The following PPP2R2B variants were observed in gnomAD, a reference collection of about 807,000 sequenced individuals.
The protein encoded by PPP2R2B is serine/threonine-protein phosphatase 2A 55 kDa regulatory subunit B beta isoform.
Under a neutral mutation model 46.0 loss-of-function variants are expected in PPP2R2B, and 5 were observed. That is an observed-to-expected ratio of 0.11 (90% CI 0.06 to 0.23). PPP2R2B has a LOEUF of 0.23. Ranked by LOEUF, PPP2R2B falls within the 10% of genes least tolerant of loss-of-function variation. PPP2R2B has a pLI of 1.00. For missense variants in PPP2R2B, 367 were observed against 575.0 expected, an observed-to-expected ratio of 0.64 and a Z score of 3.70; for synonymous variants, 215 against 206.7, an observed-to-expected ratio of 1.04 and a Z score of -0.34.
At chr5:146,693,754 G>A (rs907187032) in intron 4 of PPP2R2B, among the ~76,000 whole-genome samples, 2 of 152,196 alleles carry the variant, frequency 1.3e-5, no homozygotes, top group African/African-American at 4.8e-5. Context: ...CATGGAGAAT[G>A]TTTAACACAG....
At chr5:146,618,623 C>T (rs1773415762) in intron 7 of PPP2R2B, among the ~76,000 whole-genome samples, 1 of 152,220 alleles carries the variant, frequency 6.6e-6, no homozygotes, top group Admixed American at 6.5e-5. Flanking sequence ...GGGCCAGTTC[C>T]CTTTCAGCAG....
At chr5:146,969,568 G>A (rs977422447) in intron 1 of PPP2R2B, among the ~76,000 whole-genome samples, 3 of 152,220 alleles carry the variant, frequency 2.0e-5, no homozygotes, top group African/African-American at 7.2e-5. Context: ...GCTAGACAAG[G>A]CTATACCCAG....
At chr5:146,593,620 A>T (rs1234657123) in intron 8 of PPP2R2B, among the ~76,000 whole-genome samples, 4 of 152,172 alleles carry the variant, frequency 2.6e-5, no homozygotes, top group Admixed American at 6.5e-5. Flanking sequence ...GCTTCACTGG[A>T]TGAGGTAGCA....
chr5:147,061,782 A>G (rs1757266018), intron 2 of PPP2R2B, among the ~76,000 whole-genome samples: 1 of 152,204 alleles, frequency 6.6e-6, no homozygotes, highest in African/African-American at 2.4e-5. Context: ...GTGCCTCACA[A>G]CAGAAGATTT....
intron 2 of PPP2R2B, among the ~76,000 whole-genome samples, chr5:146,797,459 T>C (rs1756610139): frequency 6.6e-6 from 1 of 152,218 alleles, no homozygotes; most frequent in Non-Finnish European, 1.5e-5. Flanking sequence ...TTGCCTGCTT[T>C]CTTTTATTTT....
intron 1 of PPP2R2B, among the ~76,000 whole-genome samples, chr5:146,948,899 A>G (rs1398067172): frequency 6.6e-6 from 1 of 152,114 alleles, no homozygotes; most frequent in African/African-American, 2.4e-5. Flanking sequence ...TGTTTCCTGA[A>G]ACTGCTGTAC....
chr5:146,655,686 C>A (rs1776277908), intron 5 of PPP2R2B, among the ~76,000 whole-genome samples: 1 of 152,190 alleles, frequency 6.6e-6, no homozygotes, highest in Admixed American at 6.5e-5. Flanking sequence ...AGTCTATACC[C>A]TTAGTCGCTT....
At chr5:146,861,054 C>CTT (rs1211197915) in intron 2 of PPP2R2B, among the ~76,000 whole-genome samples, 35 of 101,698 alleles carry the variant, frequency 3.4e-4, no homozygotes, top group South Asian at 7.3e-4. Context: ...TGAATTTTTT[C>CTT]TTTTTTTTTT....
At chr5:146,597,945 C>T (rs970028222) in intron 8 of PPP2R2B, among the ~76,000 whole-genome samples, 1 of 152,214 alleles carries the variant, frequency 6.6e-6, no homozygotes, top group Non-Finnish European at 1.5e-5. Flanking sequence ...GGGCTTTGCT[C>T]CTTCAGCGGT....
chr5:147,012,115 C>G (rs1221573874), intron 1 of PPP2R2B, among the ~76,000 whole-genome samples: 1 of 150,146 alleles, frequency 6.7e-6, no homozygotes, highest in Non-Finnish European at 1.5e-5. Context: ...GGAGGATTCC[C>G]TCTTTTTCTA....
At chr5:146,735,179 T>C (rs1752462550) in intron 2 of PPP2R2B, among the ~76,000 whole-genome samples, 1 of 152,234 alleles carries the variant, frequency 6.6e-6, no homozygotes, top group East Asian at 1.9e-4. Context: ...ATAAATTGGG[T>C]AGCACAATAA....
intron 5 of PPP2R2B, among the ~76,000 whole-genome samples, chr5:146,684,855 A>C (rs1266520567): frequency 6.6e-6 from 1 of 152,194 alleles, no homozygotes; most frequent in Non-Finnish European, 1.5e-5. Flanking sequence ...CATTTCTTAG[A>C]GTCCAACTCA....
intron 2 of PPP2R2B, among the ~76,000 whole-genome samples, chr5:147,063,177 T>A (rs1314777182): frequency 6.6e-6 from 1 of 151,864 alleles, no homozygotes; most frequent in Non-Finnish European, 1.5e-5. Context: ...AGTAGAAAAC[T>A]CTCACACCTA....
At chr5:146,731,196 A>G (rs1561863977) in intron 2 of PPP2R2B, among the ~76,000 whole-genome samples, 1 of 152,188 alleles carries the variant, frequency 6.6e-6, no homozygotes, top group Non-Finnish European at 1.5e-5. Flanking sequence ...AGGAGACTGC[A>G]CTCCAAGTAA....
chr5:146,984,550 CTGCAGACATCTCTTTGACAA>C (rs879791919), intron 1 of PPP2R2B, among the ~76,000 whole-genome samples: 1 of 152,162 alleles, frequency 6.6e-6, no homozygotes, highest in Non-Finnish European at 1.5e-5. Context: ...AAACATGGGA[CTGCAGACATCTCTTTGACAA>C]ACTGATTTTA....
chr5:146,935,527 G>A (rs561164342), intron 1 of PPP2R2B, among the ~76,000 whole-genome samples: 63 of 152,254 alleles, frequency 4.1e-4, no homozygotes, highest in African/African-American at 1.5e-3. Flanking sequence ...CCAATATGGG[G>A]GAATGCCAAG....
intron 1 of PPP2R2B, among the ~76,000 whole-genome samples, chr5:146,910,832 G>T (rs1355410792): frequency 6.6e-6 from 1 of 152,000 alleles, no homozygotes; most frequent in Non-Finnish European, 1.5e-5. Flanking sequence ...CCCAAACCTA[G>T]CATAATCTGA....
At chr5:146,690,876 A>T (rs1778805660) in intron 5 of PPP2R2B, among the ~76,000 whole-genome samples, 1 of 152,246 alleles carries the variant, frequency 6.6e-6, no homozygotes, top group Admixed American at 6.5e-5. Flanking sequence ...AGATTATAGT[A>T]ACGTCTGGCA....
chr5:147,014,989 A>T, intron 1 of PPP2R2B, among the ~76,000 whole-genome samples: 1 of 152,162 alleles, frequency 6.6e-6, no homozygotes, highest in Non-Finnish European at 1.5e-5. Context: ...ATTAAAAAAA[A>T]ATCCCAAATC....
Sources: gnomAD v4.1 joint callset for allele counts (sites outside exome capture counted in the v4.1 genomes callset) on GRCh38, gnomAD v4.1.1 for gene constraint, MANE v1.5 for transcripts, NCBI Gene and HGNC (gene_info 2026-07-23, HGNC 2026-07-21) for gene names.